Variants in EPS8 observed in about 807,000 individuals in gnomAD.
EPS8 encodes epidermal growth factor receptor kinase substrate 8.
In EPS8, 42 loss-of-function variants were observed where a neutral mutation model predicts 103.8. The ratio of observed to expected loss-of-function variants is 0.40; its 90% confidence interval spans 0.32 to 0.52. EPS8 has a LOEUF of 0.52. Among genes scored for constraint, EPS8 ranks in the 20% least tolerant of loss-of-function variants. The pLI, the probability that EPS8 is intolerant of heterozygous loss-of-function variation, is 0.40. For synonymous variants in EPS8, 344 were observed against 344.6 expected (o/e 1.00, Z 0.02); for missense variants, 969 against 1,005.1 (o/e 0.96, Z 0.49).
rs1947291677 is a variant in EPS8, at chr12:15,784,606, T to C, written c.-22+4555A>G. Among the ~76,000 whole-genome samples the C allele has an allele frequency of 6.6e-6, 1 of 152,140 alleles. No individual in the cohort carries two copies. The highest frequency in any genetic ancestry group is 2.4e-5 in the African/African-American group (1 of 41,444). ...TTTCTTACAAAGCTAACCATAATCT[T>C]ACCACAGGATCCAGCAATCGCACTT... On this transcript the variant is annotated intron_variant, in intron 1 of 20. Coordinates refer to ENST00000281172, the MANE Select transcript of EPS8 (RefSeq NM_004447.6). This position sits in a 1 kb window ranked among gnomAD's most constrained non-coding sequence, Gnocchi z 4.0.
At chr12:15,628,121 TAG>T (rs1456008441) in intron 18 of EPS8, among the ~76,000 whole-genome samples, 1 of 151,584 alleles carries the variant, frequency 6.6e-6, no homozygotes, top group Non-Finnish European at 1.5e-5. Context: ...TAGGGGGTGC[TAG>T]AGAGAGTAAG....
chr12:15,767,172 T>C lies in EPS8; in HGVS notation c.-22+21989A>G, dbSNP rs1305405941. 6.6e-6 allele frequency among the ~76,000 whole-genome samples: 1 copy of C among 152,184 alleles called. No homozygotes were observed. Among genetic ancestry groups the C allele is most frequent in the Admixed American group, 6.5e-5 (1 of 15,286 alleles). On this transcript the variant is annotated intron_variant, in intron 1 of 20. Coordinates refer to ENST00000281172, the MANE Select transcript of EPS8 (RefSeq NM_004447.6). The surrounding 1 kb of genome is among the most constrained non-coding windows in gnomAD (Gnocchi z 5.5). ...TAATATTCTACTCAAAAAATAACTG[T>C]ATGGTGAAGGAAATCTAAATAATAT...
In EPS8 at chr12:15,747,796, G is replaced by A. The variant is rs549865493; in HGVS notation, c.-22+41365C>T. ...AGCACTTTGGGAGGCCGAGGTGGGCGGATCACGAGGTCAGGAGATCGAGAC... is the reference window on the plus strand; with the variant it reads ...AGCACTTTGGGAGGCCGAGGTGGGCAGATCACGAGGTCAGGAGATCGAGAC... On this transcript the variant is annotated intron_variant, in intron 1 of 20. Coordinates refer to ENST00000281172, the MANE Select transcript of EPS8 (RefSeq NM_004447.6). This position sits in a 1 kb window ranked among gnomAD's most constrained non-coding sequence, Gnocchi z 4.4. 2.3e-4 allele frequency among the ~76,000 whole-genome samples: 35 copies of A among 152,204 alleles called. No individual in the cohort carries two copies. The highest frequency in any genetic ancestry group is 5.8e-4 in the East Asian group (3 of 5,186).
chr12:15,667,784 A>C lies in EPS8; in HGVS notation c.517-1262T>G, dbSNP rs187701401. On this transcript the variant is annotated intron_variant, in intron 6 of 20. Coordinates refer to ENST00000281172, the MANE Select transcript of EPS8 (RefSeq NM_004447.6). Reference sequence around the variant, plus strand: ...GCCAAGCGAAAAATGTCTCATATGCAGAGTATGAAACTAATGAGTAAATGC... The same window carrying C: ...GCCAAGCGAAAAATGTCTCATATGCCGAGTATGAAACTAATGAGTAAATGC... 2.4e-3 allele frequency among the ~76,000 whole-genome samples: 359 copies of C among 152,330 alleles called. 5 individuals are homozygous for C. The highest frequency in any genetic ancestry group is 8.5e-3 in the African/African-American group (352 of 41,588).
In EPS8 at chr12:15,672,363, C is replaced by A. The variant is rs1945832062; in HGVS notation, c.137-1440G>T. On this transcript the variant is annotated intron_variant, in intron 3 of 20. Coordinates refer to ENST00000281172, the MANE Select transcript of EPS8 (RefSeq NM_004447.6). ...TCTCCATGTCCTTGTATCAATATTA[C>A]TCTGATATTCCAATACACTCCATTT... 7 of 396,412 alleles carry A rather than the reference C, an allele frequency of 1.8e-5. No individual in the cohort carries two copies. The East Asian group carries it at 2.5e-4, about 14-fold the overall frequency. 24.6% of individuals were successfully genotyped at this position (396,412 alleles called of 1,614,324 possible). A position where few individuals can be genotyped will look rare whatever the true frequency, so the allele number is the denominator to read the frequency against.
At chr12:15,766,850 C>CA (rs1947104246) in intron 1 of EPS8, among the ~76,000 whole-genome samples, 2 of 152,078 alleles carry the variant, frequency 1.3e-5, no homozygotes, top group African/African-American at 2.4e-5. Context: ...TGAAATAAGC[C>CA]AAAATCACTC....
Position 15,762,265 on chromosome 12 carries a change from A to G in EPS8, c.-22+26896T>C, listed in dbSNP as rs1947049658. On this transcript the variant is annotated intron_variant, in intron 1 of 20. Transcript: ENST00000281172. The surrounding 1 kb of genome is among the most constrained non-coding windows in gnomAD (Gnocchi z 4.8). Reference sequence around the variant, plus strand: ...TCTCATGCTAGTTAAGATGGCTTTTATCCAAAAGACAGACAATAACAAATG... The same window carrying G: ...TCTCATGCTAGTTAAGATGGCTTTTGTCCAAAAGACAGACAATAACAAATG... 6.6e-6 allele frequency among the ~76,000 whole-genome samples: 1 copy of G among 152,208 alleles called. No homozygotes were observed. Among genetic ancestry groups the G allele is most frequent in the Non-Finnish European group, 1.5e-5 (1 of 68,024 alleles).
At chr12:15,654,449 T>C (rs1591823564) in intron 12 of EPS8, 156 bp from the exon 13 acceptor site, 1 of 694,910 alleles carries the variant, frequency 1.4e-6, no homozygotes. Context: ...AAGAAAAGCT[T>C]GTCAAATCAA....
Position 15,693,684 on chromosome 12 carries a change from A to G in EPS8, c.-21-10712T>C, listed in dbSNP as rs1330880084. Among the ~76,000 whole-genome samples, 1 of 152,200 alleles carries G rather than the reference A, an allele frequency of 6.6e-6. No individual in the cohort carries two copies. Among genetic ancestry groups the G allele is most frequent in the African/African-American group, 2.4e-5 (1 of 41,460 alleles). On this transcript the variant is annotated intron_variant, in intron 1 of 20. Transcript: ENST00000281172. The surrounding 1 kb of genome is among the most constrained non-coding windows in gnomAD (Gnocchi z 5.6). ...TATTTGGAGGAAGTGAAATAAATGCATATACCACCATGGAATACTATGCAG... is the reference window on the plus strand; with the variant it reads ...TATTTGGAGGAAGTGAAATAAATGCGTATACCACCATGGAATACTATGCAG...
chr12:15,698,421 C>T lies in EPS8; in HGVS notation c.-21-15449G>A, dbSNP rs552836299. On this transcript the variant is annotated intron_variant, in intron 1 of 20. Coordinates refer to ENST00000281172, the MANE Select transcript of EPS8 (RefSeq NM_004447.6). This position sits in a 1 kb window ranked among gnomAD's most constrained non-coding sequence, Gnocchi z 4.9. ...AGTGTCAACTAGACTCCCCAACCCC[C>T]GCTCTTTAAGTTAACCTCATCCACA... Among the ~76,000 whole-genome samples, 20 of 152,218 alleles carry T rather than the reference C, an allele frequency of 1.3e-4. No homozygotes were observed. In the South Asian group the frequency reaches 3.7e-3, roughly 28 times the overall value.
At chr12:15,653,797 G>A (rs1185351037) in intron 13 of EPS8, among the ~76,000 whole-genome samples, 1 of 151,732 alleles carries the variant, frequency 6.6e-6, no homozygotes, top group Non-Finnish European at 1.5e-5. Context: ...CAAGCACTGT[G>A]CGCGCGCGCG....
At chr12:15,630,211 C>CACACAT (rs1945020973) in intron 18 of EPS8, among the ~76,000 whole-genome samples, 2 of 151,400 alleles carry the variant, frequency 1.3e-5, no homozygotes, top group African/African-American at 4.9e-5. Context: ...CACTCACACA[C>CACACAT]ACACACACAC....
Position 15,682,981 on chromosome 12 carries a change from A to C in EPS8, c.-21-9T>G. 1 of 1,470,098 alleles carries C rather than the reference A, an allele frequency of 6.8e-7. No individual in the cohort carries two copies. The highest frequency in any genetic ancestry group is 9.3e-7 in the Non-Finnish European group (1 of 1,075,226). 91.1% of individuals were successfully genotyped at this position (1,470,098 alleles called of 1,614,324 possible). A position where few individuals can be genotyped will look rare whatever the true frequency, so the allele number is the denominator to read the frequency against. ...TCTTTCACTTGTGTGTTCTAAAAAAAGAAAGACACATAGATTAAAGGCAAT... is the reference window on the plus strand; with the variant it reads ...TCTTTCACTTGTGTGTTCTAAAAAACGAAAGACACATAGATTAAAGGCAAT... On this transcript the variant is annotated splice_polypyrimidine_tract_variant and intron_variant, in intron 1 of 20. Coordinates refer to ENST00000281172, the MANE Select transcript of EPS8 (RefSeq NM_004447.6).
At chr12:15,699,501 T>C (rs1946285121) in intron 1 of EPS8, among the ~76,000 whole-genome samples, 1 of 152,114 alleles carries the variant, frequency 6.6e-6, no homozygotes, top group South Asian at 2.1e-4. Context: ...TTAAGAGAAA[T>C]AGAGAAGTTT....
At position 15,631,450 on chromosome 12, in the gene EPS8, G is replaced by C; in HGVS notation, c.2036C>G (p.Pro679Arg). ...CTCCCTGGGAAACTTACGGTCCACCGGAAGTTGTTTGTGTCTCTGGCTGTC... is the reference window on the plus strand; with the variant it reads ...CTCCCTGGGAAACTTACGGTCCACCCGAAGTTGTTTGTGTCTCTGGCTGTC... Reference protein sequence around the residue: ...VRDSQRHKQLPVDRRKSQMEE... With the variant: ...VRDSQRHKQLRVDRRKSQMEE... Residue 679 changes from proline (P) to arginine (R), a missense_variant, in exon 18 of 21, where the codon CCG becomes CGG. Pro to Arg is a moderately radical substitution (Grantham distance 103). Coordinates refer to ENST00000281172, the MANE Select transcript of EPS8 (RefSeq NM_004447.6). 1 of 1,613,914 alleles carries C rather than the reference G, an allele frequency of 6.2e-7. No homozygotes were observed. Among genetic ancestry groups the C allele is most frequent in the East Asian group, 2.2e-5 (1 of 44,888 alleles).
intron 17 of EPS8, among the ~76,000 whole-genome samples, chr12:15,636,775 C>T (rs1591807879): frequency 6.6e-6 from 1 of 152,082 alleles, no homozygotes; most frequent in East Asian, 1.9e-4. Flanking sequence ...ACAAAAATGT[C>T]CTATTCTAAG....
rs376385434 is a variant in EPS8 at position 15,766,031 on chromosome 12, G to T, written c.-22+23130C>A. ...GGGTTTCACCATGTTGGTCAGGCTGGTCTCAAACTCCTGACCTGATGATCC... is the reference window on the plus strand; with the variant it reads ...GGGTTTCACCATGTTGGTCAGGCTGTTCTCAAACTCCTGACCTGATGATCC... On this transcript the variant is annotated intron_variant, in intron 1 of 20. Transcript: ENST00000281172. Among the ~76,000 whole-genome samples, 41 of 151,366 alleles carry T rather than the reference G, an allele frequency of 2.7e-4. No homozygotes were observed. In the East Asian group the frequency reaches 7.0e-3, roughly 26 times the overall value.
chr12:15,764,682 CTA>C lies in EPS8; in HGVS notation c.-22+24477_-22+24478del, dbSNP rs958805467. On this transcript the variant is annotated intron_variant, in intron 1 of 20. Coordinates refer to ENST00000281172, the MANE Select transcript of EPS8 (RefSeq NM_004447.6). The surrounding 1 kb of genome is among the most constrained non-coding windows in gnomAD (Gnocchi z 4.1). ...CAATTTAACTCTTTTCAGTCAATAACTATGTCTGACGTCAGCAATTCTGAGGT... is the reference window on the plus strand; with the variant it reads ...CAATTTAACTCTTTTCAGTCAATAACTGTCTGACGTCAGCAATTCTGAGGT... 6.6e-6 allele frequency among the ~76,000 whole-genome samples: 1 copy of C among 152,158 alleles called. No individual in the cohort carries two copies. The highest frequency in any genetic ancestry group is 6.5e-5 in the Admixed American group (1 of 15,276).
intron 1 of EPS8, among the ~76,000 whole-genome samples, chr12:15,687,696 A>T (rs1565500586): frequency 2.0e-5 from 3 of 152,208 alleles, no homozygotes; most frequent in South Asian, 2.1e-4. Context: ...TAATAAAGAA[A>T]AGAGGCATAG....
Sources: allele counts gnomAD v4.1 joint callset (sites outside exome capture counted in the v4.1 genomes callset), GRCh38; gene constraint gnomAD v4.1.1; non-coding constraint Gnocchi (gnomAD v3.1); transcripts MANE v1.5; gene names NCBI Gene and HGNC (gene_info 2026-07-23, HGNC 2026-07-21).